Variants in NTM observed in about 807,000 individuals in gnomAD.
NTM encodes neurotrimin.
A neutral mutation model predicts 42.1 loss-of-function variants in NTM; 13 were observed. That is an observed-to-expected ratio of 0.31 (90% CI 0.20 to 0.49). The LOEUF is 0.49. Among genes scored for constraint, NTM ranks in the 20% least tolerant of loss-of-function variants. The pLI is 0.99. For synonymous variants in NTM, 187 were observed against 179.2 expected (o/e 1.04, Z -0.35); for missense variants, 373 against 452.8 (o/e 0.82, Z 1.60).
intron 4 of NTM, among the ~76,000 whole-genome samples, chr11:132,237,691 C>A (rs2089306652): frequency 6.6e-6 from 1 of 152,154 alleles, no homozygotes; most frequent in African/African-American, 2.4e-5. Flanking sequence ...GGCCTCAAGC[C>A]AACTGTCCTC....
chr11:132,061,541 C>G (rs2136033896), intron 2 of NTM, among the ~76,000 whole-genome samples: 1 of 152,214 alleles, frequency 6.6e-6, no homozygotes, highest in East Asian at 1.9e-4. Context: ...TTGAATTGAA[C>G]AGAAATAAAT....
chr11:132,027,481 C>T (rs2075342008), intron 2 of NTM, among the ~76,000 whole-genome samples: 1 of 152,192 alleles, frequency 6.6e-6, no homozygotes, highest in Non-Finnish European at 1.5e-5. Flanking sequence ...CTTAATTTCT[C>T]TTTCACCTTT....
Position 131,819,957 on chromosome 11 carries a change from C to T in NTM, c.83-91607C>T, listed in dbSNP as rs147638961. Among the ~76,000 whole-genome samples, 1,165 of 152,300 alleles carry T rather than the reference C, an allele frequency of 7.6e-3. 19 individuals are homozygous for T. Among genetic ancestry groups the T allele is most frequent in the Admixed American group, 6.9e-3 (106 of 15,300 alleles). Reference sequence around the variant, plus strand: ...TGATTTCGGTCTGTTCCCTGACACTCGCCTTCGTGGCACAGGGTGTTATTA... The same window carrying T: ...TGATTTCGGTCTGTTCCCTGACACTTGCCTTCGTGGCACAGGGTGTTATTA... On this transcript the variant is annotated intron_variant, in intron 1 of 8. Coordinates refer to ENST00000683400, the MANE Select transcript of NTM (RefSeq NM_001352005.2).
intron 3 of NTM, among the ~76,000 whole-genome samples, chr11:132,183,097 A>G (rs1460166413): frequency 6.6e-6 from 1 of 152,006 alleles, no homozygotes; most frequent in Non-Finnish European, 1.5e-5. Context: ...CAACTTCTAC[A>G]CCTGCTGGCA....
chr11:131,986,229 C>T (rs1191082826), intron 2 of NTM, among the ~76,000 whole-genome samples: 1 of 152,162 alleles, frequency 6.6e-6, no homozygotes, highest in African/African-American at 2.4e-5. Flanking sequence ...AAGATGCAGC[C>T]CCTAGGGATA....
chr11:131,937,364 A>C lies in NTM; in HGVS notation c.167+25716A>C, dbSNP rs146620927. ...CTTCTTGTTCTATTAGACAGATATG[A>C]CAGGGAGGTAAAACGTGAGCTCACA... On this transcript the variant is annotated intron_variant, in intron 2 of 8. Coordinates refer to ENST00000683400, the MANE Select transcript of NTM (RefSeq NM_001352005.2). Among the ~76,000 whole-genome samples, 830 of 152,320 alleles carry C rather than the reference A, an allele frequency of 5.4e-3. 6 individuals carry two copies. Among genetic ancestry groups the C allele is most frequent in the African/African-American group, 0.019 (797 of 41,556 alleles).
intron 3 of NTM, among the ~76,000 whole-genome samples, chr11:132,159,812 C>T (rs2073936637): frequency 1.3e-5 from 2 of 152,202 alleles, no homozygotes; most frequent in African/African-American, 4.8e-5. Context: ...GAATCACAGG[C>T]TGGAGCCCAG....
chr11:131,385,491 C>A (rs1470673493), intron 1 of NTM: 1 of 152,042 alleles, frequency 6.6e-6, no homozygotes, highest in Non-Finnish European at 1.5e-5. Context: ...GAAACTGAAA[C>A]CCTTGTGCGT....
chr11:131,695,083 C>T (rs1038911169), intron 1 of NTM, among the ~76,000 whole-genome samples: 1 of 152,160 alleles, frequency 6.6e-6, no homozygotes, highest in Non-Finnish European at 1.5e-5. Context: ...CCAGGGGAAA[C>T]GCACGATGCG....
intron 1 of NTM, among the ~76,000 whole-genome samples, chr11:131,382,590 A>C (rs2135530624): frequency 6.6e-6 from 1 of 152,268 alleles, no homozygotes; most frequent in South Asian, 2.1e-4. Flanking sequence ...CCCCTCCCTA[A>C]GTTTTGCCTT....
chr11:131,528,548 T>A (rs1052092413), intron 1 of NTM, among the ~76,000 whole-genome samples: 3 of 152,234 alleles, frequency 2.0e-5, no homozygotes, highest in Non-Finnish European at 4.4e-5. Context: ...TTCCTGCAGC[T>A]ATCCCGGTGC....
chr11:131,502,771 C>T (rs1217531677), intron 1 of NTM: 1 of 152,244 alleles, frequency 6.6e-6, no homozygotes, highest in Admixed American at 6.5e-5. Flanking sequence ...ATAGATGTAT[C>T]CTTGGCACCC....
intron 4 of NTM, among the ~76,000 whole-genome samples, chr11:132,302,653 G>A (rs2140132992): frequency 6.6e-6 from 1 of 152,294 alleles, no homozygotes; most frequent in South Asian, 2.1e-4. Context: ...AGCCAGAGAT[G>A]TCCAAGAACC....
At chr11:131,528,682 A>T (rs534682944) in intron 1 of NTM, among the ~76,000 whole-genome samples, 1 of 152,156 alleles carries the variant, frequency 6.6e-6, no homozygotes, top group African/African-American at 2.4e-5. Context: ...CTTTTTATCT[A>T]CCGCCTCCCA....
intron 2 of NTM, among the ~76,000 whole-genome samples, chr11:131,989,883 C>T (rs769246801): frequency 1.3e-5 from 2 of 151,992 alleles, no homozygotes; most frequent in African/African-American, 2.4e-5. Context: ...TGTAGTAATA[C>T]GTGAGATTTC....
intron 1 of NTM, among the ~76,000 whole-genome samples, chr11:131,751,922 G>A (rs1193757578): frequency 6.6e-6 from 1 of 152,148 alleles, no homozygotes; most frequent in Non-Finnish European, 1.5e-5. Context: ...TAGACTCAGT[G>A]GCTGTAGTGT....
intron 1 of NTM, among the ~76,000 whole-genome samples, chr11:131,813,772 A>G (rs1483892860): frequency 6.6e-6 from 1 of 152,206 alleles, no homozygotes; most frequent in Non-Finnish European, 1.5e-5. Context: ...TGCAATTGGC[A>G]GTATAACTTA....
At chr11:132,189,452 C>T (rs1275185169) in intron 3 of NTM, among the ~76,000 whole-genome samples, 1 of 152,164 alleles carries the variant, frequency 6.6e-6, no homozygotes, top group Non-Finnish European at 1.5e-5. Context: ...TTCTGTGTTA[C>T]TCAACACAAC....
chr11:131,879,984 G>T (rs1209923577), intron 1 of NTM, among the ~76,000 whole-genome samples: 1 of 152,186 alleles, frequency 6.6e-6, no homozygotes, highest in Non-Finnish European at 1.5e-5. Flanking sequence ...CACCTTCAAG[G>T]ATTACAATAG....
Sources: allele counts gnomAD v4.1 joint callset (sites outside exome capture counted in the v4.1 genomes callset), GRCh38; gene constraint gnomAD v4.1.1; transcripts MANE v1.5; gene names NCBI Gene and HGNC (gene_info 2026-07-23, HGNC 2026-07-21).